The following RABGAP1L variants were observed in gnomAD, a reference collection of about 807,000 sequenced individuals.
RABGAP1L encodes rab GTPase-activating protein 1-like.
RABGAP1L carries 63 observed loss-of-function variants against 137.7 expected under a neutral mutation model. The ratio of observed to expected loss-of-function variants is 0.46; its 90% confidence interval spans 0.37 to 0.56. The LOEUF (loss-of-function observed/expected upper bound fraction) is 0.56. Among genes scored for constraint, RABGAP1L ranks in the 20% least tolerant of loss-of-function variants. RABGAP1L has a pLI of 0.00. For missense variants in RABGAP1L, 1,095 were observed against 1,244.0 expected (o/e 0.88, Z 1.80); for synonymous variants, 431 against 433.7 (o/e 0.99, Z 0.08).
chr1:174,863,238 A>AAAAAAAAAG (rs1650563015), intron 19 of RABGAP1L, among the ~76,000 whole-genome samples: 1 of 150,034 alleles, frequency 6.7e-6, no homozygotes, highest in Non-Finnish European at 1.5e-5. Context: ...TGTAGCAAAA[A>AAAAAAAAAG]AAAAAAAAAA....
intron 10 of RABGAP1L, among the ~76,000 whole-genome samples, chr1:174,304,197 C>A (rs897577596): frequency 1.3e-5 from 2 of 152,008 alleles, no homozygotes; most frequent in African/African-American, 2.4e-5. Flanking sequence ...GGTCTTTCTT[C>A]TTTAGTCTAT....
intron 19 of RABGAP1L, chr1:174,935,003 A>G (rs1048889804): frequency 6.6e-6 from 1 of 152,220 alleles, no homozygotes; most frequent in African/African-American, 2.4e-5. Flanking sequence ...AGCATATTCA[A>G]ATTCAGTATT....
intron 1 of RABGAP1L, among the ~76,000 whole-genome samples, chr1:174,161,892 C>G (rs1571311941): frequency 6.6e-6 from 1 of 152,126 alleles, no homozygotes; most frequent in South Asian, 2.1e-4. Flanking sequence ...CCAAACCTGG[C>G]TAATTTTTTG....
intron 13 of RABGAP1L, among the ~76,000 whole-genome samples, chr1:174,505,206 C>G (rs1661707210): frequency 6.6e-6 from 1 of 152,152 alleles, no homozygotes; most frequent in South Asian, 2.1e-4. Context: ...TCTCCTTTGA[C>G]TCCTTGAGGA....
At chr1:174,989,100 C>T (rs1000408417) in intron 25 of RABGAP1L, among the ~76,000 whole-genome samples, 11 of 151,894 alleles carry the variant, frequency 7.2e-5, no homozygotes, top group Non-Finnish European at 1.5e-4. Flanking sequence ...TTTTTTTACC[C>T]TGAGATTTTT....
intron 13 of RABGAP1L, among the ~76,000 whole-genome samples, chr1:174,535,675 G>A (rs61439796): frequency 0.11 from 16,455 of 151,940 alleles, 997 homozygotes; most frequent in East Asian, 0.22. Flanking sequence ...CATAGTTTAG[G>A]GGAAATAATT....
At chr1:174,719,329 T>A (rs1681296239) in intron 17 of RABGAP1L, among the ~76,000 whole-genome samples, 1 of 152,196 alleles carries the variant, frequency 6.6e-6, no homozygotes, top group Admixed American at 6.5e-5. Context: ...AATTACATGT[T>A]ACGTAATATA....
chr1:174,687,035 TTAA>T (rs906139432), intron 15 of RABGAP1L, among the ~76,000 whole-genome samples: 1 of 152,134 alleles, frequency 6.6e-6, no homozygotes, highest in African/African-American at 2.4e-5. Context: ...AATATATTTA[TTAA>T]TGTTCAGTGA....
rs1418025147 is a variant in RABGAP1L at position 174,992,093 on chromosome 1, T to C, written c.*2092T>C. The C allele has an allele frequency of 6.6e-6, 1 of 152,168 alleles. No individual in the cohort carries two copies. The highest frequency in any genetic ancestry group is 1.5e-5 in the Non-Finnish European group (1 of 68,028). The allele number at this position is 152,168 out of a possible 1,614,324, so 9.4% of individuals were successfully genotyped here. On this transcript the variant is annotated 3_prime_UTR_variant, in exon 26 of 26. Transcript: ENST00000681986. Reference sequence around the variant, plus strand: ...AATGGCTCTAGGTCAATCCCTTATCTAAAGACCTTGTTCAACTTCATAGTC... The same window carrying C: ...AATGGCTCTAGGTCAATCCCTTATCCAAAGACCTTGTTCAACTTCATAGTC...
At chr1:174,721,956 G>A (rs188362415) in intron 17 of RABGAP1L, among the ~76,000 whole-genome samples, 32 of 152,212 alleles carry the variant, frequency 2.1e-4, no homozygotes, top group Admixed American at 1.6e-3. Flanking sequence ...TTGTTGAGAC[G>A]GAGTCTTGCT....
chr1:174,651,194 G>A (rs2148390200), intron 14 of RABGAP1L, among the ~76,000 whole-genome samples: 1 of 151,788 alleles, frequency 6.6e-6, no homozygotes, highest in South Asian at 2.1e-4. Flanking sequence ...ACTGTGGTCT[G>A]AGAGACAGTT....
In RABGAP1L at chr1:174,686,648, C is replaced by CTTTTTTTTTTTTTTTTTTTTTTT. The variant is rs533716511; in HGVS notation, c.1899+3057_1899+3079dup. ...GAAGCTTTGGTTTGAACAAAGCAAT[C>CTTTTTTTTTTTTTTTTTTTTTTT]TTTTTTTTTTTTTTTTTTTTTTTTT... On this transcript the variant is annotated intron_variant, in intron 15 of 25. Transcript: ENST00000681986. Among the ~76,000 whole-genome samples, 6 of 105,770 alleles carry CTTTTTTTTTTTTTTTTTTTTTTT rather than the reference C, an allele frequency of 5.7e-5. 1 individual carries two copies. The highest frequency in any genetic ancestry group is 8.4e-5 in the Non-Finnish European group (4 of 47,678). 69.4% of individuals were successfully genotyped at this position (105,770 alleles called of 152,430 possible). A position where few individuals can be genotyped will look rare whatever the true frequency, so the allele number is the denominator to read the frequency against.
At chr1:174,969,077 C>A (rs765308044) in intron 20 of RABGAP1L, among the ~76,000 whole-genome samples, 200 bp from the exon 21 acceptor site, 1 of 152,152 alleles carries the variant, frequency 6.6e-6, no homozygotes. Context: ...CCAGTTTCAC[C>A]GGGTAGAGAA....
chr1:174,490,446 A>G (rs184052901), intron 13 of RABGAP1L, among the ~76,000 whole-genome samples: 1 of 152,068 alleles, frequency 6.6e-6, no homozygotes, highest in Non-Finnish European at 1.5e-5. Context: ...AGTTCTCTCT[A>G]TGTTGAGCTG....
At chr1:174,699,381 T>C in intron 15 of RABGAP1L, 144 bp from the exon 16 acceptor site, 1 of 556,216 alleles carries the variant, frequency 1.8e-6, no homozygotes, top group Non-Finnish European at 3.0e-6. Flanking sequence ...GTCATGTCAC[T>C]CTGCCAAAGA....
intron 11 of RABGAP1L, among the ~76,000 whole-genome samples, chr1:174,362,391 C>T (rs1684225280): frequency 6.6e-6 from 1 of 152,220 alleles, no homozygotes; most frequent in Non-Finnish European, 1.5e-5. Context: ...AACTTACACT[C>T]CCACCAACAG....
intron 24 of RABGAP1L, among the ~76,000 whole-genome samples, chr1:174,983,220 T>A (rs1468685889): frequency 6.6e-6 from 1 of 152,204 alleles, no homozygotes; most frequent in Non-Finnish European, 1.5e-5. Context: ...AGCCCACATC[T>A]GACTGAGCCT....
At chr1:174,612,088 C>G (rs1572505811) in intron 13 of RABGAP1L, among the ~76,000 whole-genome samples, 1 of 152,274 alleles carries the variant, frequency 6.6e-6, no homozygotes, top group East Asian at 1.9e-4. Flanking sequence ...ACTTCTAACA[C>G]TATGTTGAAT....
rs1558093659 is a variant in RABGAP1L at position 174,278,775 on chromosome 1, A to G, written c.1319A>G (p.Lys440Arg). Residue 440 changes from lysine to arginine, a missense_variant, in exon 10 of 26, where the codon AAA becomes AGA. Coordinates refer to ENST00000681986, the MANE Select transcript of RABGAP1L (RefSeq NM_001366446.1). Reference sequence around the variant, plus strand: ...ACAGAGACTTTCTTCATGAGATTGAAACAGGTAGGACCTTTTTGTTCTCTT... The same window carrying G: ...ACAGAGACTTTCTTCATGAGATTGAGACAGGTAGGACCTTTTTGTTCTCTT... ...TFTETFFMRL[K>R]QSEGKGHTNA... 5 of 1,550,216 alleles carry G rather than the reference A, an allele frequency of 3.2e-6. No homozygotes were observed. The highest frequency in any genetic ancestry group is 4.3e-6 in the Non-Finnish European group (5 of 1,155,236).
Sources: gnomAD v4.1 joint callset for allele counts (sites outside exome capture counted in the v4.1 genomes callset) on GRCh38, gnomAD v4.1.1 for gene constraint, MANE v1.5 for transcripts, NCBI Gene and HGNC (gene_info 2026-07-23, HGNC 2026-07-21) for gene names.